NIT2: variants seen among roughly 807,000 people sequenced by gnomAD.
NIT2 encodes nitrilase family member 2, also known as omega-amidase NIT2.
A neutral mutation model predicts 42.7 loss-of-function variants in NIT2; 46 were observed. The observed-to-expected ratio is 1.08, with a 90% CI of 0.85 to 1.38. The LOEUF (loss-of-function observed/expected upper bound fraction) is 1.38. Ranked by LOEUF, NIT2 falls within the 40% of genes most tolerant of loss-of-function variation. The pLI is 0.00. For synonymous variants in NIT2, 123 were observed against 121.9 expected (o/e 1.01, Z -0.06); for missense variants, 309 against 342.5 (o/e 0.90, Z 0.77).
Position 100,358,314 on chromosome 3 carries a change from G to A in NIT2, c.*3046G>A, listed in dbSNP as rs1706342902. 1 of 152,146 alleles carries A rather than the reference G, an allele frequency of 6.6e-6. No homozygotes were observed. The highest frequency in any genetic ancestry group is 2.4e-5 in the African/African-American group (1 of 41,428). 9.4% of individuals were successfully genotyped at this position (152,146 alleles called of 1,614,324 possible). On this transcript the variant is annotated 3_prime_UTR_variant, in exon 10 of 10. Transcript: ENST00000394140. ...AAAATGAACACTAGATTCCCACTTG[G>A]AGTGGAAGAACATTGCAGTTGAGGC...
Position 100,343,618 on chromosome 3 carries a change from T to G in NIT2, c.337-1967T>G, listed in dbSNP as rs537940484. Among the ~76,000 whole-genome samples, 222 of 152,360 alleles carry G rather than the reference T, an allele frequency of 1.5e-3. 1 individual carries two copies. Among genetic ancestry groups the G allele is most frequent in the African/African-American group, 5.2e-3 (218 of 41,590 alleles). Reference sequence around the variant, plus strand: ...TGTTCATTAAAAGCATATTTTTCTTTACAGTGTTGAGCTTAGTTAGTTTCT... The same window carrying G: ...TGTTCATTAAAAGCATATTTTTCTTGACAGTGTTGAGCTTAGTTAGTTTCT... On this transcript the variant is annotated intron_variant, in intron 4 of 9. Coordinates refer to ENST00000394140, the MANE Select transcript of NIT2 (RefSeq NM_020202.5).
chr3:100,351,768 AAACT>A (rs1706276347), intron 7 of NIT2, among the ~76,000 whole-genome samples: 1 of 152,236 alleles, frequency 6.6e-6, no homozygotes, highest in Non-Finnish European at 1.5e-5. Context: ...GGATCTAATT[AAACT>A]AAAAGAGCTT....
chr3:100,354,785 G>A lies in NIT2; in HGVS notation c.697G>A (p.Ala233Thr). 1 of 1,609,486 alleles carries A rather than the reference G, an allele frequency of 6.2e-7. No individual in the cohort carries two copies. The highest frequency in any genetic ancestry group is 8.5e-7 in the Non-Finnish European group (1 of 1,177,784). The change falls in exon 9 of 10, where the codon GCC becomes ACC. Residue 233 changes from alanine (A) to threonine (T), a missense_variant. Coordinates refer to ENST00000394140, the MANE Select transcript of NIT2 (RefSeq NM_020202.5). ...TVVNPWGEVLAKAGTEEAIVY... is the reference protein window; with the variant it reads ...TVVNPWGEVLTKAGTEEAIVY... The stretch of plus-strand genomic sequence containing the variant: ...CATCTTTTTCAGGGGGGAGGTTCTA[G>A]CCAAAGCTGGCACAGAAGAAGCAAT...
chr3:100,335,651 A>C (rs1392739115), intron 1 of NIT2, among the ~76,000 whole-genome samples: 1 of 152,114 alleles, frequency 6.6e-6, no homozygotes, highest in Non-Finnish European at 1.5e-5. Context: ...TGTGGGTGAG[A>C]TGTGTAGGAG....
intron 6 of NIT2, among the ~76,000 whole-genome samples, chr3:100,347,862 C>T (rs571882019): frequency 6.6e-6 from 1 of 151,692 alleles, no homozygotes; most frequent in East Asian, 1.9e-4. Flanking sequence ...GAGTCATGCG[C>T]AAGGAGGTTT....
At chr3:100,349,089 A>G (rs1286317998) in intron 7 of NIT2, 5 of 406,664 alleles carry the variant, frequency 1.2e-5, no homozygotes, top group African/African-American at 4.2e-5. Context: ...TACCAACCTC[A>G]TGGATTTTGG....
Position 100,356,097 on chromosome 3 carries a change from T to C in NIT2, c.*829T>C, listed in dbSNP as rs1028538834. ...AAATTAGGGACTGAGCCAGGCGCAG[T>C]AGCATGCGCCTGTAGTCCTAGCCAC... On this transcript the variant is annotated 3_prime_UTR_variant, in exon 10 of 10. Transcript: ENST00000394140. 1.3e-5 allele frequency: 2 copies of C among 152,214 alleles called. No individual in the cohort carries two copies. Among genetic ancestry groups the C allele is most frequent in the African/African-American group, 4.8e-5 (2 of 41,448 alleles). 9.4% of individuals were successfully genotyped at this position (152,214 alleles called of 1,614,324 possible).
intron 1 of NIT2, among the ~76,000 whole-genome samples, chr3:100,336,797 ATGCC>A (rs578163205): frequency 5.8e-4 from 89 of 152,198 alleles, no homozygotes; most frequent in Admixed American, 1.3e-3. Context: ...CAGGAGACAG[ATGCC>A]TGCCTTCCTC....
intron 1 of NIT2, among the ~76,000 whole-genome samples, chr3:100,337,196 G>A (rs1366977622): frequency 6.6e-6 from 1 of 152,174 alleles, no homozygotes; most frequent in Non-Finnish European, 1.5e-5. Flanking sequence ...CAAGGCAGAA[G>A]AATTTTTCGT....
At chr3:100,338,427 T>G (rs888665950) in intron 1 of NIT2, among the ~76,000 whole-genome samples, 1 of 152,240 alleles carries the variant, frequency 6.6e-6, no homozygotes, top group Admixed American at 6.5e-5. Flanking sequence ...CTGGGACCCC[T>G]GTCCTGTGAA....
At chr3:100,353,794 G>A (rs1706297597) in intron 8 of NIT2, among the ~76,000 whole-genome samples, 2 of 133,724 alleles carry the variant, frequency 1.5e-5, no homozygotes, top group African/African-American at 5.8e-5. Flanking sequence ...TTTTTTTTGA[G>A]ATGGAGTTTC....
chr3:100,345,465 G>C, intron 4 of NIT2, 120 bp from the exon 5 acceptor site: 1 of 669,072 alleles, frequency 1.5e-6, no homozygotes, highest in Non-Finnish European at 2.7e-6. Context: ...GCAGTTTGGG[G>C]GTGCTGTTTG....
intron 6 of NIT2, among the ~76,000 whole-genome samples, chr3:100,347,343 G>A (rs1247694409): frequency 3.3e-5 from 5 of 152,126 alleles, no homozygotes; most frequent in East Asian, 1.9e-4. Flanking sequence ...TGATCTACCC[G>A]CCTCGGCCTC....
intron 1 of NIT2, among the ~76,000 whole-genome samples, chr3:100,338,447 G>A (rs1706104463): frequency 6.6e-6 from 1 of 152,198 alleles, no homozygotes; most frequent in African/African-American, 2.4e-5. Flanking sequence ...ATAGGCATGT[G>A]TGCAGCTCAC....
chr3:100,336,425 AGTAG>A (rs781194001), intron 1 of NIT2, among the ~76,000 whole-genome samples: 1 of 152,118 alleles, frequency 6.6e-6, no homozygotes, highest in South Asian at 2.1e-4. Context: ...TAGAGAAAGA[AGTAG>A]GGGGGCCCAG....
chr3:100,338,733 A>T (rs186811726), intron 1 of NIT2, among the ~76,000 whole-genome samples: 3 of 152,256 alleles, frequency 2.0e-5, no homozygotes, highest in Admixed American at 2.0e-4. Context: ...CATTCCCTAC[A>T]CTGCGTAGTA....
At chr3:100,340,936 TA>T in intron 3 of NIT2, 136 bp from the exon 4 acceptor site, 1 of 625,690 alleles carries the variant, frequency 1.6e-6, no homozygotes, top group Non-Finnish European at 2.8e-6. Flanking sequence ...TGCCTTATTC[TA>T]AAAACAAAAT....
chr3:100,334,902 C>T (rs1706050054), intron 1 of NIT2, 104 bp downstream of exon 1: 2 of 1,102,272 alleles, frequency 1.8e-6, no homozygotes, highest in Admixed American at 4.5e-5. Context: ...CGCCCCGCGT[C>T]CCCGCCGTGC....
At chr3:100,350,341 G>T (rs1706260770) in intron 7 of NIT2, among the ~76,000 whole-genome samples, 1 of 152,272 alleles carries the variant, frequency 6.6e-6, no homozygotes, top group South Asian at 2.1e-4. Context: ...GAGGTGCTTT[G>T]GTGTACCTGG....
Sources: gnomAD v4.1 joint callset for allele counts (sites outside exome capture counted in the v4.1 genomes callset) on GRCh38, gnomAD v4.1.1 for gene constraint, MANE v1.5 for transcripts, NCBI Gene and HGNC (gene_info 2026-07-23, HGNC 2026-07-21) for gene names.